Variants in C2orf76 observed in about 807,000 individuals in gnomAD.
C2orf76 encodes the protein chromosome 2 open reading frame 76, also known as UPF0538 protein C2orf76.
C2orf76 carries 23 observed loss-of-function variants against 16.9 expected under a neutral mutation model. That is an observed-to-expected ratio of 1.36 (90% CI 0.98 to 1.93). The LOEUF (loss-of-function observed/expected upper bound fraction) is 1.93. Ranked by LOEUF, C2orf76 falls within the 30% of genes most tolerant of loss-of-function variation. The pLI, the probability that C2orf76 is intolerant of heterozygous loss-of-function variation, is 0.00. For missense variants in C2orf76, 152 were observed against 152.6 expected, an observed-to-expected ratio of 1.00 and a Z score of 0.02; for synonymous variants, 48 against 52.3, an observed-to-expected ratio of 0.92 and a Z score of 0.35.
At chr2:119,320,693 C>G (rs1679315420) in intron 3 of C2orf76, among the ~76,000 whole-genome samples, 1 of 152,100 alleles carries the variant, frequency 6.6e-6, no homozygotes, top group African/African-American at 2.4e-5. Context: ...GTCTCAAATT[C>G]AAAGTTTGGT....
intron 4 of C2orf76, among the ~76,000 whole-genome samples, chr2:119,313,173 A>G (rs375967524): frequency 1.3e-5 from 2 of 152,204 alleles, no homozygotes; most frequent in Admixed American, 1.3e-4. Context: ...GAGAGTCAAC[A>G]GAAAGGCCTC....
intron 5 of C2orf76, chr2:119,311,273 T>C: frequency 5.1e-6 from 5 of 985,430 alleles, no homozygotes; most frequent in Non-Finnish European, 6.0e-6. Flanking sequence ...CATTAGTTCT[T>C]ACTATGTCCA....
chr2:119,318,532 A>ATT (rs10661549), intron 3 of C2orf76, among the ~76,000 whole-genome samples: 24,052 of 144,264 alleles, frequency 0.17, 2,407 homozygotes, highest in Middle Eastern at 0.32. Context: ...ATCTATTGCA[A>ATT]TTTTTTTTTT....
chr2:119,365,163 T>C (rs916885513), intron 1 of C2orf76, among the ~76,000 whole-genome samples: 9 of 152,194 alleles, frequency 5.9e-5, no homozygotes, highest in Admixed American at 5.9e-4. Flanking sequence ...ATTCTCAAAG[T>C]ACCTAATCTC....
chr2:119,331,349 A>T (rs2065485094), intron 2 of C2orf76, among the ~76,000 whole-genome samples: 1 of 152,166 alleles, frequency 6.6e-6, no homozygotes, highest in Non-Finnish European at 1.5e-5. Flanking sequence ...TTCCACTCCA[A>T]CAGGTGGAAT....
chr2:119,326,203 G>C (rs966586660), intron 2 of C2orf76, among the ~76,000 whole-genome samples: 4 of 152,098 alleles, frequency 2.6e-5, no homozygotes, highest in Non-Finnish European at 4.4e-5. Flanking sequence ...ATGTTTTATA[G>C]TTTTACCTTT....
intron 1 of C2orf76, among the ~76,000 whole-genome samples, chr2:119,361,728 T>C (rs1181765703): frequency 6.6e-6 from 1 of 152,012 alleles, no homozygotes; most frequent in African/African-American, 2.4e-5. Context: ...AAAAAACATA[T>C]ATAGGGTTCA....
At chr2:119,345,933 C>T (rs535540819) in intron 1 of C2orf76, among the ~76,000 whole-genome samples, 19 of 151,214 alleles carry the variant, frequency 1.3e-4, no homozygotes, top group African/African-American at 4.1e-4. Context: ...TGGTGGCGGG[C>T]GCCTGTAGCT....
intron 4 of C2orf76, among the ~76,000 whole-genome samples, chr2:119,315,610 A>G (rs1045806967): frequency 6.6e-6 from 1 of 151,984 alleles, no homozygotes. Context: ...AATATATTGA[A>G]CTCTTCCCTT....
chr2:119,361,500 A>C (rs1181013249), intron 1 of C2orf76, among the ~76,000 whole-genome samples: 1 of 152,222 alleles, frequency 6.6e-6, no homozygotes, highest in Admixed American at 6.5e-5. Flanking sequence ...CACACAAAAA[A>C]ATTGTAAAAT....
At chr2:119,339,366 C>T (rs138016354) in intron 2 of C2orf76, among the ~76,000 whole-genome samples, 1 of 152,252 alleles carries the variant, frequency 6.6e-6, no homozygotes, top group Non-Finnish European at 1.5e-5. Flanking sequence ...CTAGCACCGC[C>T]GTTTCTGTGT....
At chr2:119,334,517 C>T (rs1679779586) in intron 2 of C2orf76, among the ~76,000 whole-genome samples, 1 of 151,398 alleles carries the variant, frequency 6.6e-6, no homozygotes, top group African/African-American at 2.4e-5. Context: ...ACAGCAAAAC[C>T]CCGTCTCTAC....
chr2:119,323,002 C>A (rs763360105), intron 2 of C2orf76, among the ~76,000 whole-genome samples: 4 of 152,074 alleles, frequency 2.6e-5, no homozygotes, highest in African/African-American at 9.7e-5. Flanking sequence ...CAAAAAATAT[C>A]CACGTATCTA....
upstream of C2orf76, chr2:119,366,837 T>G (rs1481609146): frequency 3.2e-6 from 2 of 623,670 alleles, no homozygotes; most frequent in Admixed American, 6.5e-5. Context: ...GCGCAAGCGG[T>G]CCCACGTGGG....
intron 2 of C2orf76, among the ~76,000 whole-genome samples, chr2:119,328,491 G>C (rs1679579066): frequency 6.6e-6 from 1 of 152,090 alleles, no homozygotes. Flanking sequence ...CTGGTAACTT[G>C]TATCTTCTCT....
At chr2:119,309,282 G>A (rs894068738) in intron 5 of C2orf76, among the ~76,000 whole-genome samples, 4 of 151,650 alleles carry the variant, frequency 2.6e-5, no homozygotes, top group Non-Finnish European at 1.5e-5. Context: ...CTAATAAGGT[G>A]GAGCTATTTT....
chr2:119,338,878 C>T (rs2104601601), intron 2 of C2orf76: 1 of 152,268 alleles, frequency 6.6e-6, no homozygotes, highest in Middle Eastern at 3.4e-3. Context: ...ATAGTAAGTA[C>T]CTGTTCTTAC....
intron 5 of C2orf76, among the ~76,000 whole-genome samples, chr2:119,309,360 T>C (rs1678903199): frequency 6.6e-6 from 1 of 151,572 alleles, no homozygotes; most frequent in Non-Finnish European, 1.5e-5. Flanking sequence ...GGGCTCTTTA[T>C]AAAGTCAGGC....
At chr2:119,294,147 C>T in the C2orf76 span, among the ~76,000 whole-genome samples, 2 of 151,974 alleles carry the variant, frequency 1.3e-5, no homozygotes, top group Admixed American at 1.3e-4. Flanking sequence ...TGAGGAAGAA[C>T]CAGCAAACGA....
Sources: gnomAD v4.1 joint callset for allele counts (sites outside exome capture counted in the v4.1 genomes callset) on GRCh38, gnomAD v4.1.1 for gene constraint, MANE v1.5 for transcripts, NCBI Gene and HGNC (gene_info 2026-07-23, HGNC 2026-07-21) for gene names.